Variants in C7 observed in about 807,000 individuals in gnomAD.
C7 encodes the protein complement component C7.
A neutral mutation model predicts 104.8 loss-of-function variants in C7; 83 were observed. The observed-to-expected ratio is 0.79, with a 90% CI of 0.66 to 0.95. The LOEUF (loss-of-function observed/expected upper bound fraction) is 0.95, where lower values mean the gene tolerates loss of function less well. Among genes scored for constraint, C7 ranks in the 40% least tolerant of loss-of-function variants. The probability of loss-of-function intolerance (pLI) is 0.00; values close to 1 mark genes in which losing one functional copy is unlikely to be tolerated. For missense variants in C7, 1,070 were observed against 1,011.2 expected (o/e 1.06, Z -0.79); for synonymous variants, 415 against 360.6 (o/e 1.15, Z -1.71).
rs114413630 is a variant in C7, at chr5:40,949,833, C to T, written c.983-71C>T. ...AGTAGCAGCAAACAACCTCTTATCCCTACTCTCATATCTGAAGATCTTCAA... is the reference window on the plus strand; with the variant it reads ...AGTAGCAGCAAACAACCTCTTATCCTTACTCTCATATCTGAAGATCTTCAA... On this transcript the variant is annotated intron_variant, in intron 8 of 17. Coordinates refer to ENST00000313164, the MANE Select transcript of C7 (RefSeq NM_000587.4). The T allele has an allele frequency of 2.5e-3, 2,277 of 922,932 alleles. 42 individuals are homozygous for T. The African/African-American group carries it at 0.034, about 14-fold the overall frequency. The allele number at this position is 922,932 out of a possible 1,614,324, so 57.2% of individuals were successfully genotyped here. A position where few individuals can be genotyped will look rare whatever the true frequency, so the allele number is the denominator to read the frequency against.
chr5:40,971,906 C>G (rs1189883251), intron 14 of C7: 1 of 367,270 alleles, frequency 2.7e-6, no homozygotes. Flanking sequence ...CTGATTAGAC[C>G]TATGAATAAT....
chr5:40,962,272 A>G, intron 13 of C7, 100 bp downstream of exon 13: 1 of 640,664 alleles, frequency 1.6e-6, no homozygotes, highest in Non-Finnish European at 2.5e-6. Flanking sequence ...AAGCCGTGCC[A>G]AAAATATTTT....
At position 40,971,801 on chromosome 5, in the gene C7, A is replaced by G. The variant is rs1034016606; in HGVS notation, c.1883-602A>G. Reference sequence around the variant, plus strand: ...AAGGGGTCCAGTTTCTGTTTTCTGCATATGGCTTGCCGGTTTTCCCATCAC... The same window carrying G: ...AAGGGGTCCAGTTTCTGTTTTCTGCGTATGGCTTGCCGGTTTTCCCATCAC... On this transcript the variant is annotated intron_variant, in intron 14 of 17. Transcript: ENST00000313164. Among the ~76,000 whole-genome samples the G allele has an allele frequency of 3.9e-5, 6 of 152,270 alleles. No individual in the cohort carries two copies. In the East Asian group the frequency reaches 9.7e-4, roughly 25 times the overall value.
Position 40,958,039 on chromosome 5 carries a change from C to G in C7, c.1267C>G (p.Pro423Ala). The change falls in exon 11 of 18, where the codon CCT becomes GCT. Residue 423 changes from proline to alanine, a missense_variant. Coordinates refer to ENST00000313164, the MANE Select transcript of C7 (RefSeq NM_000587.4). ...LPQVIKQKLT[P>A]LYELVKEVPC... ...AATGTCTTTATCTCTATAGCTGACA[C>G]CTTTATATGAGCTGGTAAAGGAAGT... is the stretch of plus-strand genomic sequence containing the variant. The G allele has an allele frequency of 6.2e-7, 1 of 1,610,608 alleles. No homozygotes were observed. The highest frequency in any genetic ancestry group is 8.5e-7 in the Non-Finnish European group (1 of 1,177,424).
chr5:40,980,009 T>A, intron 17 of C7, 100 bp downstream of exon 17: 1 of 1,019,826 alleles, frequency 9.8e-7, no homozygotes, highest in Non-Finnish European at 1.4e-6. Context: ...CCGAAGAAGA[T>A]ACTTGAGGAT....
chr5:40,945,732 T>C (rs1402778108), intron 7 of C7, among the ~76,000 whole-genome samples: 1 of 151,596 alleles, frequency 6.6e-6, no homozygotes, highest in African/African-American at 2.4e-5. Flanking sequence ...AGCATGGTGG[T>C]GCATGCCTAT....
chr5:40,933,996 C>A (rs1419259955), intron 3 of C7, among the ~76,000 whole-genome samples: 2 of 148,356 alleles, frequency 1.3e-5, no homozygotes, highest in African/African-American at 5.0e-5. Context: ...AGTGCAGTGG[C>A]ATGATCTCAG....
intron 1 of C7, among the ~76,000 whole-genome samples, chr5:40,917,295 T>C (rs1437693306): frequency 6.6e-6 from 1 of 152,142 alleles, no homozygotes; most frequent in Non-Finnish European, 1.5e-5. Context: ...TGGCCCTTGG[T>C]AACCATTTTA....
chr5:40,920,263 T>G (rs1333445204), intron 1 of C7, among the ~76,000 whole-genome samples: 1 of 152,150 alleles, frequency 6.6e-6, no homozygotes, highest in African/African-American at 2.4e-5. Flanking sequence ...GAATGTTTTC[T>G]TATTAATTTT....
intron 5 of C7, among the ~76,000 whole-genome samples, 184 bp downstream of exon 5, chr5:40,936,669 T>C (rs1002379741): frequency 1.3e-5 from 2 of 152,110 alleles, no homozygotes; most frequent in African/African-American, 2.4e-5. Flanking sequence ...TAGATACATG[T>C]GGTAGATGCA....
At chr5:40,957,791 C>T (rs568103344) in intron 10 of C7, among the ~76,000 whole-genome samples, 50 of 148,252 alleles carry the variant, frequency 3.4e-4, no homozygotes, top group African/African-American at 9.9e-4. Context: ...TTAAATCTTA[C>T]GCATGCACAG....
intron 1 of C7, among the ~76,000 whole-genome samples, chr5:40,916,701 T>A (rs889775921): frequency 6.6e-6 from 1 of 152,042 alleles, no homozygotes; most frequent in Non-Finnish European, 1.5e-5. Context: ...TGTACCAAAT[T>A]TTTATTTTTT....
At chr5:40,947,455 G>A (rs1740073813) in intron 7 of C7, 147 bp from the exon 8 acceptor site, 6 of 809,110 alleles carry the variant, frequency 7.4e-6, no homozygotes, top group Middle Eastern at 4.5e-4. Context: ...GGGCCCATAA[G>A]AGTGCTCATC....
intron 11 of C7, 33 bp from the exon 12 acceptor site, chr5:40,959,416 A>T: frequency 6.3e-7 from 1 of 1,590,078 alleles, no homozygotes; most frequent in Non-Finnish European, 8.6e-7. Context: ...CCTCTTTAAG[A>T]ACTTATTGAT....
chr5:40,967,578 A>G (rs556612377), intron 14 of C7: 137 of 173,516 alleles, frequency 7.9e-4, no homozygotes, highest in African/African-American at 3.2e-3. Context: ...AAGCAATCTG[A>G]CAAATGATAA....
intron 1 of C7, among the ~76,000 whole-genome samples, chr5:40,922,926 T>G (rs1464011558): frequency 6.6e-6 from 1 of 152,104 alleles, no homozygotes; most frequent in East Asian, 1.9e-4. Context: ...CAACGTTTTT[T>G]GGGGTAAGAT....
At chr5:40,925,898 A>G (rs1739541120) in intron 1 of C7, among the ~76,000 whole-genome samples, 1 of 152,222 alleles carries the variant, frequency 6.6e-6, no homozygotes, top group Non-Finnish European at 1.5e-5. Flanking sequence ...AATACTTTCA[A>G]ATTCTTTTTA....
rs370225747 is a variant in C7, at chr5:40,945,571, T to C, written c.738+203T>C. Among the ~76,000 whole-genome samples the C allele has an allele frequency of 7.9e-5, 12 of 152,224 alleles. No individual in the cohort carries two copies. The East Asian group carries it at 1.7e-3, about 22-fold the overall frequency. On this transcript the variant is annotated intron_variant, in intron 7 of 17. Coordinates refer to ENST00000313164, the MANE Select transcript of C7 (RefSeq NM_000587.4). Reference sequence around the variant, plus strand: ...AAATCTCTTTGATAATATATTTATTTATACTGGCCAGGCACAGTGGTTCAC... The same window carrying C: ...AAATCTCTTTGATAATATATTTATTCATACTGGCCAGGCACAGTGGTTCAC...
intron 2 of C7, among the ~76,000 whole-genome samples, chr5:40,930,812 C>T (rs768689375): frequency 5.9e-5 from 9 of 151,832 alleles, no homozygotes; most frequent in South Asian, 2.1e-4. Flanking sequence ...GTGATCTGCC[C>T]GCCTCAGCCT....
Sources: gnomAD v4.1 joint callset for allele counts (sites outside exome capture counted in the v4.1 genomes callset) on GRCh38, gnomAD v4.1.1 for gene constraint, MANE v1.5 for transcripts, NCBI Gene and HGNC (gene_info 2026-07-23, HGNC 2026-07-21) for gene names.